EXTL2: variants seen among roughly 807,000 people sequenced by gnomAD.
EXTL2 encodes exostosin like glycosyltransferase 2, also known as exostosin-like 2.
EXTL2 carries 23 observed loss-of-function variants against 30.7 expected under a neutral mutation model. The ratio of observed to expected loss-of-function variants is 0.75; its 90% CI spans 0.54 to 1.06. The LOEUF is 1.06. Ranked by LOEUF, EXTL2 falls within the 50% of genes least tolerant of loss-of-function variation. The pLI is 0.00. For synonymous variants in EXTL2, 123 were observed against 133.8 expected (o/e 0.92, Z 0.56); for missense variants, 352 against 396.3 (o/e 0.89, Z 0.95).
rs1287884122 is a variant in EXTL2 at position 100,877,319 on chromosome 1, C to T, written c.433+157G>A. Among the ~76,000 whole-genome samples, 1 of 152,140 alleles carries T rather than the reference C, an allele frequency of 6.6e-6. No homozygotes were observed. The highest frequency in any genetic ancestry group is 1.5e-5 in the Non-Finnish European group (1 of 68,010). On this transcript the variant is annotated intron_variant, in intron 3 of 4. Coordinates refer to ENST00000370114, the MANE Select transcript of EXTL2 (RefSeq NM_001033025.3). This position sits in a 1 kb window ranked among gnomAD's most constrained non-coding sequence, Gnocchi z 4.1. ...TCGCCAGGAAACCACTTCTTGACATCTTGGAAATTGTCCCTCAAGCTTTCC... is the reference window on the plus strand; with the variant it reads ...TCGCCAGGAAACCACTTCTTGACATTTTGGAAATTGTCCCTCAAGCTTTCC...
chr1:100,892,281 A>G (rs1650489258), intron 1 of EXTL2, among the ~76,000 whole-genome samples: 1 of 152,170 alleles, frequency 6.6e-6, no homozygotes, highest in Admixed American at 6.5e-5. Context: ...TACGAAAAGC[A>G]GGCAGAAGGT....
At position 100,877,810 on chromosome 1, in the gene EXTL2, A is replaced by G. The variant is rs769409054; in HGVS notation, c.99T>C (p.Ala33=). 6.2e-7 allele frequency: 1 copy of G among 1,607,460 alleles called. No homozygotes were observed. Among genetic ancestry groups the G allele is most frequent in the Admixed American group, 1.7e-5 (1 of 59,860 alleles). ...TGGGAAGTAAGGCAGTCAAAGCACC[A>G]GCTACCAGTAATAATACGAGGATGA... ...LVVILVLLLV[A]GALTALLPSV... is the part of the protein sequence containing the mutation. The change falls in exon 3 of 5, where the codon GCT becomes GCC. Residue 33 remains alanine, a synonymous_variant. Coordinates refer to ENST00000370114, the MANE Select transcript of EXTL2 (RefSeq NM_001033025.3). The surrounding 1 kb of genome is among the most constrained non-coding windows in gnomAD (Gnocchi z 4.1).
At chr1:100,880,149 C>G (rs1316918962) in intron 2 of EXTL2, among the ~76,000 whole-genome samples, 1 of 152,078 alleles carries the variant, frequency 6.6e-6, no homozygotes, top group Non-Finnish European at 1.5e-5. Flanking sequence ...TATACCCCGT[C>G]TTTAACATTT....
Position 100,877,719 on chromosome 1 carries a change from C to G in EXTL2, c.190G>C (p.Asp64His), listed in dbSNP as rs766657298. 1.2e-6 allele frequency: 2 copies of G among 1,613,528 alleles called. No individual in the cohort carries two copies. Among genetic ancestry groups the G allele is most frequent in the Non-Finnish European group, 1.7e-6 (2 of 1,179,666 alleles). ...EIKSQGKSTM[D>H]SFTLIMQTYN... is the part of the protein sequence containing the mutation. ...GTCTGCATTATGAGAGTAAAGGAGT[C>G]CATGGTGGACTTGCCCTGGGATTTT... is the stretch of plus-strand genomic sequence containing the variant. The change falls in exon 3 of 5, where the codon GAC becomes CAC. Residue 64 changes from aspartate (D) to histidine (H), a missense_variant. Physicochemically the swap from Asp to His is moderately conservative, Grantham distance 81. Coordinates refer to ENST00000370114, the MANE Select transcript of EXTL2 (RefSeq NM_001033025.3). The surrounding 1 kb of genome is among the most constrained non-coding windows in gnomAD (Gnocchi z 4.1).
intron 2 of EXTL2, among the ~76,000 whole-genome samples, chr1:100,878,134 C>T (rs149114061): frequency 2.1e-3 from 316 of 152,196 alleles, no homozygotes; most frequent in African/African-American, 7.4e-3. Context: ...AGATGTTATA[C>T]ACACAAAATT....
In EXTL2 at chr1:100,877,965, T is replaced by C. The variant is rs1215611160; in HGVS notation, c.6-62A>G. On this transcript the variant is annotated intron_variant, in intron 2 of 4. Coordinates refer to ENST00000370114, the MANE Select transcript of EXTL2 (RefSeq NM_001033025.3). The surrounding 1 kb of genome is among the most constrained non-coding windows in gnomAD (Gnocchi z 4.1). ...ATTCTTACGAGTCCCTGTGTTTTCA[T>C]GTTTTTTTCCAATGAGGAAAGATAT... is the stretch of plus-strand genomic sequence containing the variant. 7.7e-6 allele frequency: 10 copies of C among 1,298,944 alleles called. No individual in the cohort carries two copies. In the East Asian group the frequency reaches 1.6e-4, roughly 21 times the overall value. The allele number at this position is 1,298,944 out of a possible 1,614,324, so 80.5% of individuals were successfully genotyped here. A position where few individuals can be genotyped will look rare whatever the true frequency, so the allele number is the denominator to read the frequency against.
chr1:100,877,077 G>C lies in EXTL2; in HGVS notation c.434-213C>G, dbSNP rs1649180173. Among the ~76,000 whole-genome samples, 1 of 151,956 alleles carries C rather than the reference G, an allele frequency of 6.6e-6. No individual in the cohort carries two copies. Among genetic ancestry groups the C allele is most frequent in the African/African-American group, 2.4e-5 (1 of 41,374 alleles). ...AACTGCCTGAAGGGAAAATAATCAA[G>C]CAGTTATTATCCATCATCCTAGAAA... On this transcript the variant is annotated intron_variant, in intron 3 of 4. Coordinates refer to ENST00000370114, the MANE Select transcript of EXTL2 (RefSeq NM_001033025.3). The surrounding 1 kb of genome is among the most constrained non-coding windows in gnomAD (Gnocchi z 4.1).
At chr1:100,881,202 T>C (rs1192604870) in intron 2 of EXTL2, among the ~76,000 whole-genome samples, 1 of 151,872 alleles carries the variant, frequency 6.6e-6, no homozygotes, top group Non-Finnish European at 1.5e-5. Context: ...AAGGACTTTA[T>C]AGACTGTAGT....
At chr1:100,886,988 T>A (rs1296388538) in intron 2 of EXTL2, among the ~76,000 whole-genome samples, 5 of 152,054 alleles carry the variant, frequency 3.3e-5, no homozygotes, top group Admixed American at 2.6e-4. Flanking sequence ...ATCCAAGGAG[T>A]CAACGCATCC....
intron 2 of EXTL2, among the ~76,000 whole-genome samples, chr1:100,882,181 C>A (rs1199850204): frequency 6.6e-6 from 1 of 152,148 alleles, no homozygotes; most frequent in Non-Finnish European, 1.5e-5. Flanking sequence ...GCTGGGGACA[C>A]CAAGGGTTTT....
rs1435240120 is a variant in EXTL2, at chr1:100,873,213, AC to A, written c.*728del. On this transcript the variant is annotated 3_prime_UTR_variant, in exon 5 of 5. Transcript: ENST00000370114. ...ACTACCCGAATCTAGTAACACATTT[AC>A]TCCTTGCTGCATATAAGTGGCGTGT... 2.6e-5 allele frequency: 4 copies of A among 151,992 alleles called. No homozygotes were observed. Among genetic ancestry groups the A allele is most frequent in the Non-Finnish European group, 4.4e-5 (3 of 67,974 alleles). The allele number at this position is 151,992 out of a possible 1,614,324, so 9.4% of individuals were successfully genotyped here. A position where few individuals can be genotyped will look rare whatever the true frequency, so the allele number is the denominator to read the frequency against.
intron 2 of EXTL2, 193 bp downstream of exon 2, chr1:100,888,560 A>C (rs968995387): frequency 2.6e-6 from 1 of 382,694 alleles, no homozygotes; most frequent in Non-Finnish European, 4.7e-6. Context: ...GTAGGAAGAA[A>C]TGGACAGTTG....
rs183388917 is a variant in EXTL2 at position 100,885,659 on chromosome 1, A to G, written c.5+3094T>C. ...AAATACAAAATGCCAGAAATGGTAC[A>G]TGAAAGGTCATTTTTCTTCACAAGT... On this transcript the variant is annotated intron_variant, in intron 2 of 4. Transcript: ENST00000370114. The G allele has an allele frequency of 2.6e-5, 4 of 152,350 alleles. No homozygotes were observed. In the East Asian group the frequency reaches 7.7e-4, roughly 29 times the overall value. The allele number at this position is 152,350 out of a possible 1,614,324, so 9.4% of individuals were successfully genotyped here.
At chr1:100,875,024 A>C (rs1322591566) in intron 4 of EXTL2, among the ~76,000 whole-genome samples, 1 of 152,040 alleles carries the variant, frequency 6.6e-6, no homozygotes, top group Non-Finnish European at 1.5e-5. Context: ...AAATGTTTAT[A>C]TTATGTATAT....
At chr1:100,880,536 T>C (rs1291171377) in intron 2 of EXTL2, among the ~76,000 whole-genome samples, 1 of 152,222 alleles carries the variant, frequency 6.6e-6, no homozygotes, top group Non-Finnish European at 1.5e-5. Flanking sequence ...CTTAAAGCTT[T>C]AGTGTACCAT....
chr1:100,874,343 G>A lies in EXTL2; in HGVS notation c.592C>T (p.Gln198Ter). ...GIYSYGSFEM[Q>*]APGSGNGDQY... ...TCACCATTTCCAGACCCTGGTGCTT[G>A]CATTTCAAAACTTCCATAACTGTAG... The change falls in exon 5 of 5, where the codon CAA (glutamine) becomes TAA (stop). Residue 198 changes from glutamine (Q) to a stop codon, truncating the protein, a stop_gained. Coordinates refer to ENST00000370114, the MANE Select transcript of EXTL2 (RefSeq NM_001033025.3). LOFTEE classifies it high-confidence loss of function. 2 of 1,612,810 alleles carry A rather than the reference G, an allele frequency of 1.2e-6. No homozygotes were observed. The highest frequency in any genetic ancestry group is 2.2e-5 in the East Asian group (1 of 44,856).
chr1:100,876,850 C>G lies in EXTL2; in HGVS notation c.448G>C (p.Asp150His), dbSNP rs570458833. 1 of 1,611,402 alleles carries G rather than the reference C, an allele frequency of 6.2e-7. No individual in the cohort carries two copies. The highest frequency in any genetic ancestry group is 1.1e-5 in the South Asian group (1 of 90,988). Reference protein sequence around the residue: ...ELETNAVLMVDDDTLISTPDL... With the variant: ...ELETNAVLMVHDDTLISTPDL... ...GGGGTGCTGATGAGTGTGTCATCAT[C>G]TACCATCAACACTGCTAAAATGAAA... The change falls in exon 4 of 5, where the codon GAT becomes CAT. Residue 150 changes from aspartate to histidine, a missense_variant. Physicochemically the swap from Asp to His is moderately conservative, Grantham distance 81. Coordinates refer to ENST00000370114, the MANE Select transcript of EXTL2 (RefSeq NM_001033025.3).
At chr1:100,890,938 G>A (rs1197921513) in intron 1 of EXTL2, among the ~76,000 whole-genome samples, 1 of 152,112 alleles carries the variant, frequency 6.6e-6, no homozygotes, top group Non-Finnish European at 1.5e-5. Flanking sequence ...ACTTCACCAG[G>A]TAAAAAACTA....
rs548410705 is a variant in EXTL2, at chr1:100,884,540, A to C, written c.5+4213T>G. Reference sequence around the variant, plus strand: ...CAGATAACCAACACTGTTTAAACTAAGGCAAAGGCGCATGTGGTGCCAAAT... The same window carrying C: ...CAGATAACCAACACTGTTTAAACTACGGCAAAGGCGCATGTGGTGCCAAAT... On this transcript the variant is annotated intron_variant, in intron 2 of 4. Coordinates refer to ENST00000370114, the MANE Select transcript of EXTL2 (RefSeq NM_001033025.3). 5.9e-5 allele frequency among the ~76,000 whole-genome samples: 9 copies of C among 152,332 alleles called. No individual in the cohort carries two copies. The East Asian group carries it at 1.7e-3, about 29-fold the overall frequency.
Sources: gnomAD v4.1 joint callset for allele counts (sites outside exome capture counted in the v4.1 genomes callset) on GRCh38, gnomAD v4.1.1 for gene constraint, Gnocchi (gnomAD v3.1) non-coding constraint, MANE v1.5 for transcripts, NCBI Gene and HGNC (gene_info 2026-07-23, HGNC 2026-07-21) for gene names.